Variants in COL24A1 observed in about 807,000 individuals in gnomAD.
COL24A1 encodes the protein collagen alpha-1(XXIV) chain.
COL24A1 carries 224 observed loss-of-function variants against 253.9 expected under a neutral mutation model. The observed-to-expected ratio is 0.88, with a 90% confidence interval of 0.79 to 0.99. The LOEUF (loss-of-function observed/expected upper bound fraction) is 0.99. Ranked by LOEUF, COL24A1 falls within the 50% of genes least tolerant of loss-of-function variation. The pLI is 0.00. For missense variants in COL24A1, 2,131 were observed against 2,068.5 expected (o/e 1.03, Z -0.59); for synonymous variants, 685 against 673.7 (o/e 1.02, Z -0.26).
Position 85,906,363 on chromosome 1 carries a change from A to G in COL24A1, c.2778+831T>C, listed in dbSNP as rs114864328. 5.2e-3 allele frequency among the ~76,000 whole-genome samples: 788 copies of G among 150,616 alleles called. 6 individuals are homozygous for G. The highest frequency in any genetic ancestry group is 0.016 in the African/African-American group (649 of 41,070). Reference sequence around the variant, plus strand: ...ACTTAAATCAAAGTAAGGTCAAGGCATAACACAGAATCCTTAAAGCCCACA... The same window carrying G: ...ACTTAAATCAAAGTAAGGTCAAGGCGTAACACAGAATCCTTAAAGCCCACA... On this transcript the variant is annotated intron_variant, in intron 28 of 59. Transcript: ENST00000370571.
chr1:85,966,995 G>A (rs907869377), intron 22 of COL24A1, among the ~76,000 whole-genome samples: 12 of 152,170 alleles, frequency 7.9e-5, no homozygotes, highest in African/African-American at 2.9e-4. Context: ...ATTCTGTATA[G>A]AGAAAAGAAT....
intron 47 of COL24A1, among the ~76,000 whole-genome samples, chr1:85,803,671 G>C (rs1671672853): frequency 1.3e-5 from 2 of 151,164 alleles, no homozygotes; most frequent in Non-Finnish European, 2.9e-5. Context: ...TTCCATTTCT[G>C]ATTGTTAATT....
chr1:86,075,774 C>G (rs1702203857), intron 7 of COL24A1, among the ~76,000 whole-genome samples: 1 of 152,120 alleles, frequency 6.6e-6, no homozygotes, highest in African/African-American at 2.4e-5. Flanking sequence ...ATCACATAAA[C>G]AGAACCAATG....
intron 24 of COL24A1, among the ~76,000 whole-genome samples, chr1:85,945,967 A>G: frequency 6.6e-6 from 1 of 152,162 alleles, no homozygotes; most frequent in East Asian, 1.9e-4. Context: ...TGCTTACAAG[A>G]CTGGCTCTTG....
intron 19 of COL24A1, among the ~76,000 whole-genome samples, chr1:85,996,695 C>A (rs1165904595): frequency 6.6e-6 from 1 of 151,990 alleles, no homozygotes; most frequent in Non-Finnish European, 1.5e-5. Context: ...TTAGTCAAGA[C>A]AAGACGTAGT....
chr1:86,117,020 A>G (rs555469820), intron 3 of COL24A1, among the ~76,000 whole-genome samples: 2 of 152,298 alleles, frequency 1.3e-5, no homozygotes, highest in East Asian at 3.9e-4. Context: ...GCAGCTGTTG[A>G]TTTGAATTTA....
At position 86,052,004 on chromosome 1, in the gene COL24A1, T is replaced by G. The variant is rs567228270; in HGVS notation, c.1852-1827A>C. 3.9e-5 allele frequency among the ~76,000 whole-genome samples: 6 copies of G among 152,074 alleles called. No individual in the cohort carries two copies. The South Asian group carries it at 1.2e-3, about 31-fold the overall frequency. On this transcript the variant is annotated intron_variant, in intron 10 of 59. Coordinates refer to ENST00000370571, the MANE Select transcript of COL24A1 (RefSeq NM_152890.7). ...CTGAAGGACAGATATGTCTGAAGTC[T>G]TAAAGACAGACTAAAGCTTTGAGGA...
intron 5 of COL24A1, among the ~76,000 whole-genome samples, chr1:86,106,073 T>A (rs1704955948): frequency 6.6e-6 from 1 of 152,168 alleles, no homozygotes; most frequent in Non-Finnish European, 1.5e-5. Context: ...CCCATATCAT[T>A]TTTTACATTT....
chr1:86,141,700 T>C (rs547449968), intron 2 of COL24A1, among the ~76,000 whole-genome samples: 20 of 151,976 alleles, frequency 1.3e-4, no homozygotes, highest in Admixed American at 3.3e-4. Flanking sequence ...TTTAGTGTCT[T>C]ACTTTTTTTT....
chr1:86,087,412 T>C (rs1703141924), intron 7 of COL24A1, among the ~76,000 whole-genome samples: 1 of 152,220 alleles, frequency 6.6e-6, no homozygotes, highest in Non-Finnish European at 1.5e-5. Context: ...AAAGTTAAAA[T>C]GATAATCTGC....
At chr1:86,145,812 C>T (rs1397030375) in intron 2 of COL24A1, among the ~76,000 whole-genome samples, 1 of 151,964 alleles carries the variant, frequency 6.6e-6, no homozygotes, top group African/African-American at 2.4e-5. Flanking sequence ...CAGTTTGCCA[C>T]CCCCAAGAAC....
intron 43 of COL24A1, among the ~76,000 whole-genome samples, chr1:85,837,278 C>T (rs1201226799): frequency 4.6e-5 from 7 of 152,100 alleles, no homozygotes; most frequent in Admixed American, 6.5e-5. Context: ...AAATGGTAAT[C>T]GCAACAATTT....
At chr1:85,878,007 T>C (rs1417234309) in intron 32 of COL24A1, among the ~76,000 whole-genome samples, 3 of 152,232 alleles carry the variant, frequency 2.0e-5, no homozygotes, top group African/African-American at 7.2e-5. Flanking sequence ...CTTCTTTAAC[T>C]TAGCAGTATG....
chr1:85,971,286 A>G, intron 21 of COL24A1, 54 bp downstream of exon 21: 1 of 1,499,364 alleles, frequency 6.7e-7, no homozygotes, highest in Non-Finnish European at 9.2e-7. Flanking sequence ...ATAAAAAGGG[A>G]AAATTTTAAC....
At chr1:86,108,736 G>A (rs1705253784) in intron 5 of COL24A1, among the ~76,000 whole-genome samples, 1 of 151,836 alleles carries the variant, frequency 6.6e-6, no homozygotes, top group African/African-American at 2.4e-5. Context: ...GAACCCAGGA[G>A]GTGGAGGTTG....
chr1:85,845,726 T>C (rs1326606425), intron 39 of COL24A1, among the ~76,000 whole-genome samples: 2 of 151,484 alleles, frequency 1.3e-5, no homozygotes, highest in Non-Finnish European at 3.0e-5. Flanking sequence ...ATATTAACAC[T>C]GAGAATAAAA....
chr1:85,820,679 G>T (rs1480648971), intron 45 of COL24A1, among the ~76,000 whole-genome samples: 2 of 152,158 alleles, frequency 1.3e-5, no homozygotes, highest in Non-Finnish European at 2.9e-5. Flanking sequence ...TCAAATGTAG[G>T]ATATTTGAGT....
chr1:86,033,787 T>C, intron 13 of COL24A1, 83 bp downstream of exon 13: 1 of 1,194,674 alleles, frequency 8.4e-7, no homozygotes, highest in South Asian at 1.5e-5. Context: ...TATTCACAAA[T>C]ATGATAATAA....
chr1:85,940,161 T>G, intron 24 of COL24A1, among the ~76,000 whole-genome samples: 1 of 16,600 alleles, frequency 6.0e-5, no homozygotes, highest in Admixed American at 8.6e-4. Flanking sequence ...TCCCAGCACT[T>G]TGGGAGGCCG....
Sources: gnomAD v4.1 joint callset for allele counts (sites outside exome capture counted in the v4.1 genomes callset) on GRCh38, gnomAD v4.1.1 for gene constraint, MANE v1.5 for transcripts, NCBI Gene and HGNC (gene_info 2026-07-23, HGNC 2026-07-21) for gene names.